The following ADAMTS2 variants were observed in gnomAD, a reference collection of about 807,000 sequenced individuals.
ADAMTS2 encodes ADAM metallopeptidase with thrombospondin type 1 motif 2.
Under a neutral mutation model 123.0 loss-of-function variants are expected in ADAMTS2, and 50 were observed. That is an observed-to-expected ratio of 0.41 (90% CI 0.32 to 0.51). ADAMTS2 has a LOEUF of 0.51. ADAMTS2 is among the 20% of genes least tolerant of loss of function. The pLI, the probability that ADAMTS2 is intolerant of heterozygous loss-of-function variation, is 0.35. For missense variants in ADAMTS2, 1,494 were observed against 1,705.2 expected (o/e 0.88, Z 2.18); for synonymous variants, 678 against 695.4 (o/e 0.98, Z 0.39).
At chr5:179,182,070 G>A (rs554777480) in intron 4 of ADAMTS2, among the ~76,000 whole-genome samples, 2 of 152,080 alleles carry the variant, frequency 1.3e-5, no homozygotes, top group East Asian at 1.9e-4. Flanking sequence ...ACTCCTCCTC[G>A]AGGCCAGCTC....
At chr5:179,215,880 C>T (rs1359579356) in intron 3 of ADAMTS2, among the ~76,000 whole-genome samples, 3 of 152,156 alleles carry the variant, frequency 2.0e-5, no homozygotes, top group African/African-American at 7.2e-5. Flanking sequence ...TGGAGGAAAG[C>T]CTTCAGAATT....
intron 4 of ADAMTS2, among the ~76,000 whole-genome samples, chr5:179,186,592 T>C (rs1467332405): frequency 1.3e-5 from 2 of 152,172 alleles, no homozygotes; most frequent in Non-Finnish European, 1.5e-5. Flanking sequence ...CACCTGGGCA[T>C]GGGAACCACT....
At chr5:179,204,770 C>G (rs1764639684) in intron 4 of ADAMTS2, among the ~76,000 whole-genome samples, 1 of 152,198 alleles carries the variant, frequency 6.6e-6, no homozygotes, top group African/African-American at 2.4e-5. Flanking sequence ...AGCTGGGGCT[C>G]AGATCAGAGG....
intron 2 of ADAMTS2, among the ~76,000 whole-genome samples, chr5:179,329,335 A>AAC (rs1757419321): frequency 6.6e-6 from 1 of 151,228 alleles, no homozygotes; most frequent in Non-Finnish European, 1.5e-5. Context: ...TCAAAAAAAA[A>AAC]AAAAAAAACA....
At chr5:179,343,297 T>C (rs949221940) in intron 2 of ADAMTS2, among the ~76,000 whole-genome samples, 3 of 152,120 alleles carry the variant, frequency 2.0e-5, no homozygotes, top group African/African-American at 7.2e-5. Context: ...ACTCAACAGA[T>C]GCTCAACACA....
At chr5:179,178,914 T>C (rs917534914) in intron 5 of ADAMTS2, among the ~76,000 whole-genome samples, 2 of 152,312 alleles carry the variant, frequency 1.3e-5, no homozygotes, top group African/African-American at 4.8e-5. Flanking sequence ...TTGACAGTAG[T>C]GCTCTTGTTT....
intron 4 of ADAMTS2, among the ~76,000 whole-genome samples, chr5:179,196,108 T>C (rs1764425745): frequency 2.6e-5 from 4 of 152,048 alleles, no homozygotes; most frequent in African/African-American, 7.3e-5. Flanking sequence ...CTCGTGAAAG[T>C]TGGTGAGAAA....
chr5:179,203,016 C>T (rs1339618125), intron 4 of ADAMTS2, among the ~76,000 whole-genome samples: 2 of 152,188 alleles, frequency 1.3e-5, no homozygotes, highest in Non-Finnish European at 2.9e-5. Flanking sequence ...GACCCCATAT[C>T]CCAGCCCAGG....
At position 179,113,815 on chromosome 5, in the gene ADAMTS2, A is replaced by G; in HGVS notation, c.*52T>C. 1.9e-6 allele frequency: 3 copies of G among 1,560,154 alleles called. No individual in the cohort carries two copies. The highest frequency in any genetic ancestry group is 2.7e-6 in the Non-Finnish European group (3 of 1,131,226). ...TGACACAGGATTTGCTATCCCATGG[A>G]ATATCTCTATAAGCAAGAAAAAAAT... On this transcript the variant is annotated 3_prime_UTR_variant, in exon 22 of 22. Coordinates refer to ENST00000251582, the MANE Select transcript of ADAMTS2 (RefSeq NM_014244.5).
rs12652571 is a variant in ADAMTS2 at position 179,262,041 on chromosome 5, G to T, written c.688+10870C>A. 0.029 allele frequency among the ~76,000 whole-genome samples: 4,452 copies of T among 152,278 alleles called. 94 individuals carry two copies. The highest frequency in any genetic ancestry group is 0.082 in the Middle Eastern group (24 of 294). On this transcript the variant is annotated intron_variant, in intron 3 of 21. Transcript: ENST00000251582. The surrounding 1 kb of genome is among the most constrained non-coding windows in gnomAD (Gnocchi z 5.9). Reference sequence around the variant, plus strand: ...CGCCCCGTGAGTCTGGGAACACATGGGTCTTGGCCTTGGCACCTTCTTTCC... The same window carrying T: ...CGCCCCGTGAGTCTGGGAACACATGTGTCTTGGCCTTGGCACCTTCTTTCC...
At chr5:179,209,823 C>G (rs1339211311) in intron 3 of ADAMTS2, among the ~76,000 whole-genome samples, 1 of 152,172 alleles carries the variant, frequency 6.6e-6, no homozygotes, top group Middle Eastern at 3.2e-3. Context: ...CTTTGCATTT[C>G]CAACGAACAG....
rs151003863 is a variant in ADAMTS2 at position 179,344,652 on chromosome 5, G to A, written c.140-491C>T. On this transcript the variant is annotated intron_variant, in intron 1 of 21. Transcript: ENST00000251582. Reference sequence around the variant, plus strand: ...GGAGCGGCGGAGTCTCGGCTTCCCCGAGCACGAGCGGCCTGTCCTGCCTGT... The same window carrying A: ...GGAGCGGCGGAGTCTCGGCTTCCCCAAGCACGAGCGGCCTGTCCTGCCTGT... 5.1e-3 allele frequency among the ~76,000 whole-genome samples: 779 copies of A among 152,302 alleles called. 5 individuals are homozygous for A. Among genetic ancestry groups the A allele is most frequent in the Middle Eastern group, 0.037 (11 of 294 alleles).
intron 7 of ADAMTS2, 116 bp from the exon 8 acceptor site, chr5:179,154,308 C>A: frequency 6.9e-7 from 1 of 1,445,940 alleles, no homozygotes; most frequent in South Asian, 1.3e-5. Flanking sequence ...CTGACCTTGG[C>A]CCACTCTGAG....
intron 4 of ADAMTS2, among the ~76,000 whole-genome samples, chr5:179,187,220 A>G (rs1764192888): frequency 1.3e-5 from 2 of 152,210 alleles, no homozygotes; most frequent in African/African-American, 4.8e-5. Flanking sequence ...CTCAAAGGAA[A>G]GAGGCAGTGA....
chr5:179,114,124 T>C lies in ADAMTS2; in HGVS notation c.3379A>G (p.Thr1127Ala), dbSNP rs2113161480. Residue 1127 changes from threonine to alanine, a missense_variant, in exon 22 of 22, where the codon ACT becomes GCT. Around this residue, in one of 6 missense-constraint regions of ADAMTS2, gnomAD observed 953 missense variants for 1,124.7 expected, o/e 0.85. Coordinates refer to ENST00000251582, the MANE Select transcript of ADAMTS2 (RefSeq NM_014244.5). ...DVFMPTLPVP[T>A]VAMEVRPSPS... Reference sequence around the variant, plus strand: ...GATGGCCGCACCTCCATGGCTACAGTGGGCACTGGGAGGGTAGGCATGAAC... The same window carrying C: ...GATGGCCGCACCTCCATGGCTACAGCGGGCACTGGGAGGGTAGGCATGAAC... 6.2e-7 allele frequency: 1 copy of C among 1,613,928 alleles called. No homozygotes were observed. Among genetic ancestry groups the C allele is most frequent in the Non-Finnish European group, 8.5e-7 (1 of 1,179,920 alleles).
chr5:179,212,192 G>A (rs186475466), intron 3 of ADAMTS2, among the ~76,000 whole-genome samples: 277 of 152,122 alleles, frequency 1.8e-3, no homozygotes, highest in Non-Finnish European at 3.0e-3. Flanking sequence ...CTGAGGGTGG[G>A]TACAGTGGGC....
intron 2 of ADAMTS2, among the ~76,000 whole-genome samples, chr5:179,329,142 ACG>A (rs1349093555): frequency 6.6e-6 from 1 of 151,928 alleles, no homozygotes; most frequent in Non-Finnish European, 1.5e-5. Flanking sequence ...CCTGGCTAAC[ACG>A]GTGAAACCCC....
rs1253142639 is a variant in ADAMTS2 at position 179,272,981 on chromosome 5, G to T, written c.618C>A (p.Gly206=). 2.5e-6 allele frequency: 4 copies of T among 1,613,058 alleles called. No individual in the cohort carries two copies. Among genetic ancestry groups the T allele is most frequent in the Non-Finnish European group, 3.4e-6 (4 of 1,180,010 alleles). The change falls in exon 3 of 22, where the codon GGC becomes GGA. Residue 206 remains glycine (G), a synonymous_variant. Coordinates refer to ENST00000251582, the MANE Select transcript of ADAMTS2 (RefSeq NM_014244.5). This position sits in a 1 kb window ranked among gnomAD's most constrained non-coding sequence, Gnocchi z 5.8. ...KGLAAQEAEQ[G]RVHVVYRRPP... ...GCCGGCGATACACCACATGCACACG[G>T]CCTTGCTCAGCCTCCTGCGCCGCCA...
At position 179,345,045 on chromosome 5, in the gene ADAMTS2, C is replaced by G. The variant is rs932277842; in HGVS notation, c.139+145G>C. ...GCCCCCTGCGCGACCAACCCGGCCC[C>G]GAAGTTGGCCAACTTGGCCCCGGGC... On this transcript the variant is annotated intron_variant, in intron 1 of 21. Transcript: ENST00000251582. This position sits in a 1 kb window ranked among gnomAD's most constrained non-coding sequence, Gnocchi z 7.5. 1.8e-6 allele frequency: 1 copy of G among 570,604 alleles called. No individual in the cohort carries two copies. Among genetic ancestry groups the G allele is most frequent in the Non-Finnish European group, 2.3e-6 (1 of 439,898 alleles). 35.3% of individuals were successfully genotyped at this position (570,604 alleles called of 1,614,324 possible).
Sources: allele counts gnomAD v4.1 joint callset (sites outside exome capture counted in the v4.1 genomes callset), GRCh38; gene constraint gnomAD v4.1.1; regional missense constraint gnomAD v4.1.1; non-coding constraint Gnocchi (gnomAD v3.1); transcripts MANE v1.5; gene names NCBI Gene and HGNC (gene_info 2026-07-23, HGNC 2026-07-21).